KIAA1549: variants seen among roughly 807,000 people sequenced by gnomAD.
The protein encoded by KIAA1549 is KIAA1549.
KIAA1549 carries 70 observed loss-of-function variants against 156.4 expected under a neutral mutation model. That is an observed-to-expected ratio of 0.45 (90% CI 0.37 to 0.55). The LOEUF is 0.55. Among genes scored for constraint, KIAA1549 ranks in the 20% least tolerant of loss-of-function variants. The pLI, the probability that KIAA1549 is intolerant of heterozygous loss-of-function variation, is 0.00. For missense variants in KIAA1549, 2,428 were observed against 2,540.9 expected (o/e 0.96, Z 0.96); for synonymous variants, 1,103 against 1,066.4 (o/e 1.03, Z -0.67).
rs1037468955 is a variant in KIAA1549 at position 138,834,562 on chromosome 7, C to T, written c.*3344G>A. The T allele has an allele frequency of 9.5e-5, 22 of 230,784 alleles. No homozygotes were observed. Among genetic ancestry groups the T allele is most frequent in the Non-Finnish European group, 1.8e-4 (21 of 116,534 alleles). 14.3% of individuals were successfully genotyped at this position (230,784 alleles called of 1,614,324 possible). ...AAATCTCAGAAGGCAAGGCTCATGT[C>T]TGCTGGGTTATTTGGTGCCAGAGAC... On this transcript the variant is annotated 3_prime_UTR_variant, in exon 20 of 20. Coordinates refer to ENST00000422774, the MANE Select transcript of KIAA1549 (RefSeq NM_001164665.2).
chr7:138,869,751 G>A lies in KIAA1549; in HGVS notation c.4562C>T (p.Ala1521Val), dbSNP rs749638172. The A allele has an allele frequency of 8.7e-6, 14 of 1,609,416 alleles. 1 individual carries two copies. In the South Asian group the frequency reaches 8.8e-5, roughly 10 times the overall value. ...SNKINKEIQT[A>V]LRHKSEIEHH... ...CTCGATCTCAGACTTGTGCCGCAGC[G>A]CGGTCTGAATCTGAGGAAGGGTGAG... The change falls in exon 14 of 20, where the codon GCG becomes GTG. Residue 1521 changes from alanine (A) to valine (V), a missense_variant. Coordinates refer to ENST00000422774, the MANE Select transcript of KIAA1549 (RefSeq NM_001164665.2).
In KIAA1549 at chr7:138,953,114, C is replaced by T. The variant is rs185755599; in HGVS notation, c.187+27969G>A. On this transcript the variant is annotated intron_variant, in intron 1 of 19. Coordinates refer to ENST00000422774, the MANE Select transcript of KIAA1549 (RefSeq NM_001164665.2). ...CTCATGCCTGTAATCCCAGCACTTT[C>T]GGAGGCCGAGGCAGGTGGATCACCT... 5.1e-4 allele frequency among the ~76,000 whole-genome samples: 77 copies of T among 152,188 alleles called. 1 individual carries two copies. The East Asian group carries it at 0.013, about 25-fold the overall frequency.
At chr7:138,876,778 T>C (rs540663689) in intron 12 of KIAA1549, among the ~76,000 whole-genome samples, 19 of 152,306 alleles carry the variant, frequency 1.2e-4, no homozygotes, top group South Asian at 6.2e-4. Flanking sequence ...ATGATTTGAG[T>C]TATTTTAAAG....
intron 1 of KIAA1549, among the ~76,000 whole-genome samples, chr7:138,978,847 G>A (rs1396122419): frequency 6.6e-6 from 1 of 152,152 alleles, no homozygotes; most frequent in Non-Finnish European, 1.5e-5. Flanking sequence ...CCAAGCAACT[G>A]CAACGCACCC....
At chr7:138,854,414 A>C (rs1160079470) in intron 16 of KIAA1549, among the ~76,000 whole-genome samples, 2 of 152,228 alleles carry the variant, frequency 1.3e-5, no homozygotes, top group African/African-American at 4.8e-5. Flanking sequence ...ACCAACTATC[A>C]CGTGGCCTGA....
intron 10 of KIAA1549, among the ~76,000 whole-genome samples, chr7:138,890,495 T>A (rs987138523): frequency 6.6e-6 from 1 of 152,232 alleles, no homozygotes; most frequent in Non-Finnish European, 1.5e-5. Flanking sequence ...GTTATTGCCA[T>A]CTGTTTGTCT....
At chr7:138,886,277 G>C (rs1347754082) in intron 10 of KIAA1549, among the ~76,000 whole-genome samples, 7 of 152,058 alleles carry the variant, frequency 4.6e-5, no homozygotes, top group Admixed American at 1.3e-4. Flanking sequence ...TGTGACCTAA[G>C]GTCTTTTTTT....
At chr7:138,941,903 G>A (rs77717268) in intron 1 of KIAA1549, among the ~76,000 whole-genome samples, 11,815 of 152,114 alleles carry the variant, frequency 0.078, 588 homozygotes, top group South Asian at 0.19. Context: ...CTTAAAAAAC[G>A]TTGCAATGAA....
At chr7:138,973,851 C>T (rs1393939175) in intron 1 of KIAA1549, among the ~76,000 whole-genome samples, 1 of 152,176 alleles carries the variant, frequency 6.6e-6, no homozygotes, top group African/African-American at 2.4e-5. Context: ...ACTATGTTAC[C>T]CAGGCTGGTC....
rs1175844272 is a variant in KIAA1549 at position 138,845,890 on chromosome 7, C to A, written c.5295-1416G>T. ...CATTCATTTTCAAGACAGTGTCTGC[C>A]AAACACCCGAGTCTGAATAACCACT... On this transcript the variant is annotated intron_variant, in intron 17 of 19. Transcript: ENST00000422774. 2.0e-5 allele frequency among the ~76,000 whole-genome samples: 3 copies of A among 152,246 alleles called. No individual in the cohort carries two copies. The East Asian group carries it at 5.8e-4, about 29-fold the overall frequency.
intron 16 of KIAA1549, among the ~76,000 whole-genome samples, chr7:138,856,929 T>C (rs948657620): frequency 1.4e-4 from 21 of 152,168 alleles, no homozygotes; most frequent in African/African-American, 4.1e-4. Flanking sequence ...TTCCAATCTG[T>C]TGAAAGCCTG....
rs139792788 is a variant in KIAA1549 at position 138,923,304 on chromosome 7, A to G, written c.188-3866T>C. On this transcript the variant is annotated intron_variant, in intron 1 of 19. Transcript: ENST00000422774. Reference sequence around the variant, plus strand: ...GCAGGAAGATCTGAGAATAGAGAATAAATGATAAACATAAGGCCAGACGTG... The same window carrying G: ...GCAGGAAGATCTGAGAATAGAGAATGAATGATAAACATAAGGCCAGACGTG... Among the ~76,000 whole-genome samples, 92 of 152,372 alleles carry G rather than the reference A, an allele frequency of 6.0e-4. No homozygotes were observed. The East Asian group carries it at 0.017, about 27-fold the overall frequency.
chr7:138,939,357 T>A (rs1381024253), intron 1 of KIAA1549, among the ~76,000 whole-genome samples: 1 of 152,232 alleles, frequency 6.6e-6, no homozygotes, highest in Non-Finnish European at 1.5e-5. Context: ...ACAAGGTACA[T>A]ACAATGCTTT....
chr7:138,923,000 T>C (rs2130490676), intron 1 of KIAA1549, among the ~76,000 whole-genome samples: 1 of 151,882 alleles, frequency 6.6e-6, no homozygotes, highest in African/African-American at 2.4e-5. Context: ...CATGATACCA[T>C]AGACCAAAGA....
At chr7:138,887,484 A>C (rs1811426726) in intron 10 of KIAA1549, among the ~76,000 whole-genome samples, 1 of 151,920 alleles carries the variant, frequency 6.6e-6, no homozygotes, top group Non-Finnish European at 1.5e-5. Context: ...ATCATTCCAG[A>C]TGCACACCTC....
At chr7:138,924,332 T>C (rs2130493237) in intron 1 of KIAA1549, among the ~76,000 whole-genome samples, 1 of 152,276 alleles carries the variant, frequency 6.6e-6, no homozygotes, top group South Asian at 2.1e-4. Flanking sequence ...ATTTTATGTG[T>C]CTGTTTTAAA....
chr7:138,942,241 G>A (rs2354339), intron 1 of KIAA1549, among the ~76,000 whole-genome samples: 2 of 151,888 alleles, frequency 1.3e-5, no homozygotes, highest in Admixed American at 1.3e-4. Context: ...TCATTCTTGA[G>A]CAGCTCTGTA....
intron 1 of KIAA1549, among the ~76,000 whole-genome samples, chr7:138,959,804 G>A (rs1813783780): frequency 6.6e-6 from 1 of 152,184 alleles, no homozygotes; most frequent in African/African-American, 2.4e-5. Context: ...CTTCATTTGT[G>A]AGGATCAGAG....
At position 138,835,610 on chromosome 7, in the gene KIAA1549, G is replaced by C. The variant is rs968107263; in HGVS notation, c.*2296C>G. 4.5e-6 allele frequency: 1 copy of C among 222,734 alleles called. No homozygotes were observed. Among genetic ancestry groups the C allele is most frequent in the East Asian group, 6.5e-5 (1 of 15,316 alleles). 13.8% of individuals were successfully genotyped at this position (222,734 alleles called of 1,614,324 possible). ...CCATTTATCCCGTTTGCTGTCACAC[G>C]ATTTGAATTCATTACAAGGTGTCCA... On this transcript the variant is annotated 3_prime_UTR_variant, in exon 20 of 20. Transcript: ENST00000422774.
Sources: allele counts gnomAD v4.1 joint callset (sites outside exome capture counted in the v4.1 genomes callset), GRCh38; gene constraint gnomAD v4.1.1; transcripts MANE v1.5; gene names NCBI Gene and HGNC (gene_info 2026-07-23, HGNC 2026-07-21).